RNF217: variants seen among roughly 807,000 people sequenced by gnomAD.
RNF217 encodes the protein E3 ubiquitin-protein ligase RNF217.
A neutral mutation model predicts 57.8 loss-of-function variants in RNF217; 31 were observed. The ratio of observed to expected loss-of-function variants is 0.54; its 90% CI spans 0.40 to 0.72. The LOEUF is 0.72. Ranked by LOEUF, RNF217 falls within the 30% of genes least tolerant of loss-of-function variation. RNF217 has a pLI of 0.00. For synonymous variants in RNF217, 313 were observed against 294.0 expected, an observed-to-expected ratio of 1.06 and a Z score of -0.66; for missense variants, 696 against 708.3, an observed-to-expected ratio of 0.98 and a Z score of 0.20.
At chr6:124,963,452 A>T in intron 1 of RNF217, 26 bp downstream of exon 1, 1 of 1,440,540 alleles carries the variant, frequency 6.9e-7, no homozygotes, top group South Asian at 1.5e-5. Flanking sequence ...TCTCTTCCCC[A>T]TTTATCATTC....
In RNF217 at chr6:124,979,949, A is replaced by G. The variant is rs183941147; in HGVS notation, c.882+16523A>G. Among the ~76,000 whole-genome samples, 3 of 152,280 alleles carry G rather than the reference A, an allele frequency of 2.0e-5. No individual in the cohort carries two copies. In the East Asian group the frequency reaches 5.8e-4, roughly 29 times the overall value. On this transcript the variant is annotated intron_variant, in intron 1 of 5. Transcript: ENST00000521654. Reference sequence around the variant, plus strand: ...GTCACTTACTGGATCTTTGCCTTTAAAAAGTGTTGGAAGTGCATTGTCTTT... The same window carrying G: ...GTCACTTACTGGATCTTTGCCTTTAGAAAGTGTTGGAAGTGCATTGTCTTT...
chr6:125,081,669 G>C (rs558162617), intron 5 of RNF217, among the ~76,000 whole-genome samples, 162 bp downstream of exon 5: 1 of 152,062 alleles, frequency 6.6e-6, no homozygotes, highest in Non-Finnish European at 1.5e-5. Flanking sequence ...GGTCAGAGGA[G>C]CGTGTTTCCT....
chr6:125,067,203 TA>T (rs1787966770), intron 3 of RNF217, among the ~76,000 whole-genome samples: 1 of 152,162 alleles, frequency 6.6e-6, no homozygotes, highest in Non-Finnish European at 1.5e-5. Context: ...TAACTTAGCG[TA>T]AGGTTTATGC....
intron 1 of RNF217, among the ~76,000 whole-genome samples, chr6:125,018,121 A>G (rs944514571): frequency 3.3e-5 from 5 of 152,202 alleles, no homozygotes; most frequent in African/African-American, 9.6e-5. Context: ...TTTTATAGAG[A>G]CATGGTATGA....
chr6:124,969,506 C>T (rs540616565), intron 1 of RNF217, among the ~76,000 whole-genome samples: 25 of 152,278 alleles, frequency 1.6e-4, no homozygotes, highest in African/African-American at 5.8e-4. Context: ...TTTATCACTA[C>T]TATTTGCCCC....
intron 1 of RNF217, among the ~76,000 whole-genome samples, chr6:125,030,206 C>T (rs145221592): frequency 2.2e-4 from 34 of 152,244 alleles, no homozygotes; most frequent in African/African-American, 7.2e-4. Flanking sequence ...TCCCACAACA[C>T]GTAGGAATTC....
intron 1 of RNF217, among the ~76,000 whole-genome samples, chr6:125,042,219 G>A (rs1271369110): frequency 6.6e-6 from 1 of 152,072 alleles, no homozygotes; most frequent in African/African-American, 2.4e-5. Flanking sequence ...AGTAATCGAA[G>A]GATTGTATGA....
intron 3 of RNF217, among the ~76,000 whole-genome samples, chr6:125,069,385 A>T (rs1175176178): frequency 1.3e-5 from 2 of 152,102 alleles, no homozygotes; most frequent in African/African-American, 2.4e-5. Context: ...TTTTACACCT[A>T]GTCCTTGATA....
rs1582639802 is a variant in RNF217 at position 124,963,094 on chromosome 6, C to A, written c.550C>A (p.Pro184Thr). Residue 184 changes from proline to threonine, a missense_variant, in exon 1 of 6, where the codon CCG becomes ACG. Pro to Thr is a conservative substitution (Grantham distance 38). Around this residue, in one of 2 missense-constraint regions of RNF217, gnomAD observed 465 missense variants for 386.8 expected, o/e 1.20. Coordinates refer to ENST00000521654, the MANE Select transcript of RNF217 (RefSeq NM_001286398.3). The part of the protein sequence containing the change: ...PEAPASEQLS[P>T]PASPPGAPPV... ...GGCCCCCGCCTCGGAGCAGCTCTCG[C>A]CGCCCGCGTCGCCACCTGGGGCTCC... 1.3e-6 allele frequency: 2 copies of A among 1,543,254 alleles called. No homozygotes were observed. Among genetic ancestry groups the A allele is most frequent in the Non-Finnish European group, 8.7e-7 (1 of 1,151,516 alleles).
intron 1 of RNF217, among the ~76,000 whole-genome samples, chr6:124,992,376 A>G (rs1309457648): frequency 6.6e-6 from 1 of 152,184 alleles, no homozygotes; most frequent in East Asian, 1.9e-4. Context: ...AACTTGATAA[A>G]TAATAGTCAA....
At chr6:125,000,465 A>G (rs2114276754) in intron 1 of RNF217, among the ~76,000 whole-genome samples, 1 of 152,074 alleles carries the variant, frequency 6.6e-6, no homozygotes, top group African/African-American at 2.4e-5. Flanking sequence ...ATAGTTGTAA[A>G]TTGTTCAGCC....
At chr6:124,977,523 A>G (rs1011428702) in intron 1 of RNF217, among the ~76,000 whole-genome samples, 1 of 152,218 alleles carries the variant, frequency 6.6e-6, no homozygotes, top group Non-Finnish European at 1.5e-5. Context: ...TTCATGTATT[A>G]AAATTAAGAT....
chr6:125,079,870 C>A (rs1253724790), intron 4 of RNF217, among the ~76,000 whole-genome samples: 3 of 151,978 alleles, frequency 2.0e-5, no homozygotes, highest in African/African-American at 7.2e-5. Context: ...TGTTTTAGAG[C>A]AATGTTACTA....
chr6:125,040,116 A>G (rs1786814677), intron 1 of RNF217, among the ~76,000 whole-genome samples: 1 of 152,078 alleles, frequency 6.6e-6, no homozygotes, highest in South Asian at 2.1e-4. Flanking sequence ...GGAGATAGAG[A>G]CATGAAAAAA....
intron 1 of RNF217, among the ~76,000 whole-genome samples, chr6:125,022,697 C>G (rs1785891219): frequency 6.6e-6 from 1 of 152,176 alleles, no homozygotes; most frequent in African/African-American, 2.4e-5. Context: ...CCATGAACCC[C>G]TTAAAATAGT....
At chr6:125,082,491 C>A (rs751025752) in intron 5 of RNF217, 1 of 1,612,394 alleles carries the variant, frequency 6.2e-7, no homozygotes, top group South Asian at 1.1e-5. Context: ...AGTGGTAGAA[C>A]CAGGAATCAA....
intron 1 of RNF217, among the ~76,000 whole-genome samples, chr6:124,970,730 C>T (rs978521107): frequency 3.3e-5 from 5 of 152,038 alleles, no homozygotes; most frequent in African/African-American, 4.8e-5. Context: ...AGACTGAGTC[C>T]GAGCATACCA....
intron 1 of RNF217, among the ~76,000 whole-genome samples, chr6:124,987,612 C>CA (rs1784408051): frequency 6.6e-6 from 1 of 151,958 alleles, no homozygotes; most frequent in Non-Finnish European, 1.5e-5. Flanking sequence ...AGTGTGAAAA[C>CA]GGAGATCTTG....
rs1319928801 is a variant in RNF217 at position 125,042,433 on chromosome 6, A to G, written c.883-2778A>G. ...AGAGCTGGTAGTGGGTAGGTATGGG[A>G]ATATGCATCTGATTGCCTCTATGTG... On this transcript the variant is annotated intron_variant, in intron 1 of 5. Transcript: ENST00000521654. 2.6e-5 allele frequency among the ~76,000 whole-genome samples: 4 copies of G among 152,194 alleles called. No homozygotes were observed. In the East Asian group the frequency reaches 5.8e-4, roughly 22 times the overall value.
Sources: gnomAD v4.1 joint callset for allele counts (sites outside exome capture counted in the v4.1 genomes callset) on GRCh38, gnomAD v4.1.1 for gene constraint, gnomAD v4.1.1 regional missense constraint, MANE v1.5 for transcripts, NCBI Gene and HGNC (gene_info 2026-07-23, HGNC 2026-07-21) for gene names.